Variants in FGF10 observed in about 807,000 individuals in gnomAD.
The protein encoded by FGF10 is FGF-10.
In FGF10, 2 loss-of-function variants were observed where a neutral mutation model predicts 19.8. The observed-to-expected ratio is 0.10, with a 90% CI of 0.04 to 0.32. The LOEUF is 0.32. Ranked by LOEUF, FGF10 falls within the 10% of genes least tolerant of loss-of-function variation. FGF10 has a pLI of 1.00. For synonymous variants in FGF10, 112 were observed against 94.0 expected, an observed-to-expected ratio of 1.19 and a Z score of -1.10; for missense variants, 191 against 246.3, an observed-to-expected ratio of 0.78 and a Z score of 1.50.
At chr5:44,325,794 C>T (rs1264918693) in intron 1 of FGF10, among the ~76,000 whole-genome samples, 1 of 152,016 alleles carries the variant, frequency 6.6e-6, no homozygotes, top group African/African-American at 2.4e-5. Flanking sequence ...ATGGGTGCAG[C>T]ACACCAACAT....
chr5:44,372,426 T>C (rs1741761887), intron 1 of FGF10, among the ~76,000 whole-genome samples: 1 of 152,138 alleles, frequency 6.6e-6, no homozygotes, highest in South Asian at 2.1e-4. Flanking sequence ...TCTCCTCATC[T>C]CAAAATCCTT....
chr5:44,333,890 C>T (rs17234303), intron 1 of FGF10, among the ~76,000 whole-genome samples: 1 of 151,984 alleles, frequency 6.6e-6, no homozygotes, highest in South Asian at 2.1e-4. Flanking sequence ...GAAGAGGCAG[C>T]GGGAGGGAAA....
At chr5:44,348,781 G>A (rs1175975813) in intron 1 of FGF10, among the ~76,000 whole-genome samples, 1 of 151,574 alleles carries the variant, frequency 6.6e-6, no homozygotes, top group Admixed American at 6.6e-5. Flanking sequence ...CCATTTAATA[G>A]AAATCCATAT....
At chr5:44,366,127 C>CTTTTTTTTTTTTT (rs35522683) in intron 1 of FGF10, among the ~76,000 whole-genome samples, 5 of 74,812 alleles carry the variant, frequency 6.7e-5, no homozygotes, top group East Asian at 4.6e-4. Flanking sequence ...CAATTATTTC[C>CTTTTTTTTTTTTT]TTTTTTTTTT....
intron 1 of FGF10, among the ~76,000 whole-genome samples, chr5:44,320,385 G>A (rs775652917): frequency 1.8e-4 from 28 of 152,130 alleles, no homozygotes; most frequent in Non-Finnish European, 3.7e-4. Flanking sequence ...CACAGTTTTG[G>A]TAAGCCCTCA....
At chr5:44,351,093 T>C (rs148911065) in intron 1 of FGF10, among the ~76,000 whole-genome samples, 75 of 151,628 alleles carry the variant, frequency 4.9e-4, no homozygotes, top group Non-Finnish European at 9.3e-4. Context: ...TTAGCCCGCA[T>C]TAAAATTTGA....
intron 1 of FGF10, among the ~76,000 whole-genome samples, chr5:44,359,481 C>A (rs1741426087): frequency 6.6e-6 from 1 of 151,418 alleles, no homozygotes; most frequent in South Asian, 2.1e-4. Flanking sequence ...TTAGATAAAT[C>A]TTTTCTAGAC....
At chr5:44,385,612 C>T (rs1172843935) in intron 1 of FGF10, among the ~76,000 whole-genome samples, 4 of 152,060 alleles carry the variant, frequency 2.6e-5, no homozygotes, top group Admixed American at 6.5e-5. Flanking sequence ...TAATTAATAA[C>T]TTGTTTAGGA....
intron 1 of FGF10, among the ~76,000 whole-genome samples, chr5:44,362,732 T>C (rs1306160225): frequency 1.3e-5 from 2 of 151,652 alleles, no homozygotes; most frequent in Non-Finnish European, 3.0e-5. Flanking sequence ...CTTGGAGATA[T>C]CCTATATATC....
intron 1 of FGF10, among the ~76,000 whole-genome samples, chr5:44,356,206 A>G (rs1741342967): frequency 6.6e-6 from 1 of 151,440 alleles, no homozygotes; most frequent in African/African-American, 2.4e-5. Context: ...ACTGAAAGGG[A>G]GTGGTTCCCG....
At chr5:44,318,413 A>G (rs1260890799) in intron 1 of FGF10, among the ~76,000 whole-genome samples, 4 of 152,136 alleles carry the variant, frequency 2.6e-5, no homozygotes, top group African/African-American at 7.2e-5. Context: ...TCAACCCTTC[A>G]AAAATTCTGA....
At chr5:44,329,029 C>A (rs1428119999) in intron 1 of FGF10, among the ~76,000 whole-genome samples, 1 of 152,010 alleles carries the variant, frequency 6.6e-6, no homozygotes, top group African/African-American at 2.4e-5. Flanking sequence ...AGAGGAAAAC[C>A]TTATAAGAAA....
At chr5:44,325,652 G>C (rs996608050) in intron 1 of FGF10, among the ~76,000 whole-genome samples, 1 of 150,374 alleles carries the variant, frequency 6.7e-6, no homozygotes, top group African/African-American at 2.4e-5. Context: ...ACCAAACACT[G>C]CATGTTCTCA....
In FGF10 at chr5:44,347,753, A is replaced by G. The variant is rs1382982475; in HGVS notation, c.326-37223T>C. On this transcript the variant is annotated intron_variant, in intron 1 of 2. Transcript: ENST00000264664. ...AATAAGTGCTCAATCAATACTTGCT[A>G]ATTAAACTCATCTCATGCCCTTATA... is the stretch of plus-strand genomic sequence containing the variant. 3.3e-5 allele frequency among the ~76,000 whole-genome samples: 5 copies of G among 151,742 alleles called. No homozygotes were observed. In the South Asian group the frequency reaches 8.3e-4, roughly 25 times the overall value.
chr5:44,306,515 C>T (rs1478285988), intron 2 of FGF10, among the ~76,000 whole-genome samples: 1 of 140,934 alleles, frequency 7.1e-6, no homozygotes, highest in Non-Finnish European at 1.6e-5. Context: ...CTATCTTCTT[C>T]ATCCAAAGCA....
chr5:44,360,334 A>C (rs1741451062), intron 1 of FGF10, among the ~76,000 whole-genome samples: 1 of 151,606 alleles, frequency 6.6e-6, no homozygotes, highest in African/African-American at 2.4e-5. Flanking sequence ...TTTCCTACTT[A>C]TCCTGACATT....
chr5:44,348,155 G>A (rs941753359), intron 1 of FGF10, among the ~76,000 whole-genome samples: 4 of 151,668 alleles, frequency 2.6e-5, no homozygotes, highest in Non-Finnish European at 4.4e-5. Context: ...TAAGGCACAA[G>A]TAGACTTGCA....
intron 1 of FGF10, among the ~76,000 whole-genome samples, chr5:44,371,127 T>C (rs937715743): frequency 6.5e-4 from 99 of 152,264 alleles, no homozygotes; most frequent in African/African-American, 2.4e-3. Context: ...ATGAATGCTC[T>C]GCCCTCATGA....
intron 1 of FGF10, among the ~76,000 whole-genome samples, chr5:44,378,621 C>T (rs1741919408): frequency 6.6e-6 from 1 of 152,054 alleles, no homozygotes; most frequent in African/African-American, 2.4e-5. Context: ...TTAGTAGAGA[C>T]GGGGTTTCAC....
Sources: gnomAD v4.1 joint callset for allele counts (sites outside exome capture counted in the v4.1 genomes callset) on GRCh38, gnomAD v4.1.1 for gene constraint, MANE v1.5 for transcripts, NCBI Gene and HGNC (gene_info 2026-07-23, HGNC 2026-07-21) for gene names.